CLN5: variants seen among roughly 807,000 people sequenced by gnomAD.
CLN5 encodes the protein CLN5 lysosomal BMP synthase.
Under a neutral mutation model 36.7 loss-of-function variants are expected in CLN5, and 34 were observed. That is an observed-to-expected ratio of 0.93 (90% CI 0.71 to 1.23). The LOEUF is 1.23. Among genes scored for constraint, CLN5 ranks in the 50% most tolerant of loss-of-function variants. The pLI, the probability that CLN5 is intolerant of heterozygous loss-of-function variation, is 0.00. For synonymous variants in CLN5, 151 were observed against 155.1 expected, an observed-to-expected ratio of 0.97 and a Z score of 0.20; for missense variants, 427 against 439.4, an observed-to-expected ratio of 0.97 and a Z score of 0.25.
chr13:76,996,076 G>A lies in CLN5; in HGVS notation c.514G>A (p.Asp172Asn). The change falls in exon 3 of 4, where the codon GAT (aspartate) becomes AAT (asparagine). Residue 172 changes from aspartate (D) to asparagine (N), a missense_variant. Physicochemically the swap from Asp to Asn is conservative, Grantham distance 23 (BLOSUM62 1). Transcript: ENST00000377453. ...TGCCTGCTTTTTTGAGGGAATTGAT[G>A]ATGTTCACTGGAAGGAAAATGGGAC... ...GAACFFEGID[D>N]VHWKENGTLV... The A allele has an allele frequency of 6.2e-7, 1 of 1,614,128 alleles. No homozygotes were observed. Among genetic ancestry groups the A allele is most frequent in the Non-Finnish European group, 8.5e-7 (1 of 1,180,026 alleles).
Position 76,995,991 on chromosome 13 carries a change from CTG to C in CLN5, c.431_432del (p.Cys144TyrfsTer8). ...EWYELFQLGN[C>X]TFPHLRPEMD... is the part of the protein sequence containing the mutation. Reference sequence around the variant, plus strand: ...GGTATGAACTTTTCCAACTTGGCAACTGTACATTTCCCCATCTCCGACCTGAA... The same window carrying C: ...GGTATGAACTTTTCCAACTTGGCAACTACATTTCCCCATCTCCGACCTGAA... On this transcript the variant is annotated frameshift_variant, in exon 3 of 4. Coordinates refer to ENST00000377453, the MANE Select transcript of CLN5 (RefSeq NM_006493.4). LOFTEE classifies it high-confidence loss of function. The C allele has an allele frequency of 1.9e-6, 3 of 1,614,220 alleles. No homozygotes were observed. Among genetic ancestry groups the C allele is most frequent in the Non-Finnish European group, 2.5e-6 (3 of 1,180,034 alleles).
Position 77,000,383 on chromosome 13 carries a change from T to TA in CLN5, c.566-55dup, listed in dbSNP as rs58476086. On this transcript the variant is annotated intron_variant, in intron 3 of 3. Transcript: ENST00000377453. Reference sequence around the variant, plus strand: ...CTCGGCAACAGAGGGAGACCTGTCTTAAAAAAAAAAAAAAAAAAAATTAAC... The same window carrying TA: ...CTCGGCAACAGAGGGAGACCTGTCTTAAAAAAAAAAAAAAAAAAAAATTAAC... 0.075 allele frequency: 87,743 copies of TA among 1,169,054 alleles called. 306 individuals carry two copies. Among genetic ancestry groups the TA allele is most frequent in the African/African-American group, 0.13 (7,665 of 57,162 alleles). The allele number at this position is 1,169,054 out of a possible 1,614,324, so 72.4% of individuals were successfully genotyped here.
rs143759121 is a variant in CLN5, at chr13:76,995,185, C to T, written c.296C>T (p.Ala99Val). The T allele has an allele frequency of 9.3e-6, 15 of 1,614,062 alleles. No homozygotes were observed. In the African/African-American group the frequency reaches 2.0e-4, roughly 22 times the overall value. The part of the protein sequence containing the change: ...DDDIEVFRLQ[A>V]PVWEFKYGDL... Reference sequence around the variant, plus strand: ...GACATTGAAGTTTTTCGATTACAAGCCCCAGTATGGGAATTTAAATATGGA... The same window carrying T: ...GACATTGAAGTTTTTCGATTACAAGTCCCAGTATGGGAATTTAAATATGGA... Residue 99 changes from alanine (A) to valine (V), a missense_variant, in exon 2 of 4, where the codon GCC (alanine) becomes GTC (valine). Ala to Val is a moderately conservative substitution (Grantham distance 64). Coordinates refer to ENST00000377453, the MANE Select transcript of CLN5 (RefSeq NM_006493.4).
chr13:76,994,701 T>C (rs2154034589), intron 1 of CLN5: 1 of 223,638 alleles, frequency 4.5e-6, no homozygotes, highest in Admixed American at 5.3e-5. Context: ...AATCTTAATG[T>C]ATGGACTGTT....
chr13:76,993,111 G>GA (rs1193313723), intron 1 of CLN5: 5 of 152,262 alleles, frequency 3.3e-5, no homozygotes, highest in South Asian at 2.1e-4. Flanking sequence ...CAACAAACCT[G>GA]AAAAAAACAG....
In CLN5 at chr13:77,001,127, C is replaced by G. The variant is rs111327761; in HGVS notation, c.*158C>G. ...TGCATATTAACATCTCAGGACTCTT[C>G]TCTTGTAAAGAAGCTGAAATTCGTA... On this transcript the variant is annotated 3_prime_UTR_variant, in exon 4 of 4. Coordinates refer to ENST00000377453, the MANE Select transcript of CLN5 (RefSeq NM_006493.4). 3,756 of 622,270 alleles carry G rather than the reference C, an allele frequency of 6.0e-3. 69 individuals carry two copies. Among genetic ancestry groups the G allele is most frequent in the African/African-American group, 0.05 (2,697 of 54,064 alleles). 38.5% of individuals were successfully genotyped at this position (622,270 alleles called of 1,614,324 possible). A position where few individuals can be genotyped will look rare whatever the true frequency, so the allele number is the denominator to read the frequency against.
At chr13:76,992,771 G>T in intron 1 of CLN5, 1 of 158,678 alleles carries the variant, frequency 6.3e-6, no homozygotes, top group Non-Finnish European at 1.4e-5. Context: ...CAAAAGTCGC[G>T]CATCCCGGGA....
intron 1 of CLN5, 106 bp from the exon 2 acceptor site, chr13:76,994,957 T>TC (rs888227457): frequency 2.1e-6 from 2 of 957,728 alleles, no homozygotes; most frequent in African/African-American, 3.3e-5. Context: ...TTAACTATGG[T>TC]CCGACCTTTG....
intron 2 of CLN5, 151 bp downstream of exon 2, chr13:76,995,379 TAC>T (rs2034248211): frequency 6.9e-6 from 5 of 722,342 alleles, no homozygotes; most frequent in Non-Finnish European, 1.2e-5. Flanking sequence ...CAAAAATAGT[TAC>T]TATCAGATTT....
rs2034357499 is a variant in CLN5 at position 77,001,205 on chromosome 13, C to CT, written c.*239dup. On this transcript the variant is annotated 3_prime_UTR_variant, in exon 4 of 4. Transcript: ENST00000377453. ...GTGATCTTGGTTTCAATTTCCGAGC[C>CT]TTTGTTAATATGGAGAATTATGGTT... The CT allele has an allele frequency of 2.5e-6, 1 of 407,192 alleles. No individual in the cohort carries two copies. Among genetic ancestry groups the CT allele is most frequent in the African/African-American group, 2.0e-5 (1 of 48,888 alleles). 25.2% of individuals were successfully genotyped at this position (407,192 alleles called of 1,614,324 possible).
At position 76,995,739 on chromosome 13, in the gene CLN5, GT is replaced by G. The variant is rs1190833393; in HGVS notation, c.340-160del. On this transcript the variant is annotated intron_variant, in intron 2 of 3. Transcript: ENST00000377453. ...AAGCTGGGGTGGATGAGGGCCTGGA[GT>G]TTGGGGCCACAGAGTGGATATGACA... 1.6e-5 allele frequency: 11 copies of G among 688,778 alleles called. No individual in the cohort carries two copies. In the East Asian group the frequency reaches 3.0e-4, roughly 19 times the overall value. 42.7% of individuals were successfully genotyped at this position (688,778 alleles called of 1,614,324 possible). A position where few individuals can be genotyped will look rare whatever the true frequency, so the allele number is the denominator to read the frequency against.
Position 77,000,461 on chromosome 13 carries a change from A to G in CLN5, c.569A>G (p.Asn190Ser), listed in dbSNP as rs369100769. The change falls in exon 4 of 4, where the codon AAC (asparagine) becomes AGC (serine). Residue 190 changes from asparagine to serine, a missense_variant. Coordinates refer to ENST00000377453, the MANE Select transcript of CLN5 (RefSeq NM_006493.4). ...TTGTTTTGTTTTTTTAAACTAGGAA[A>G]CATGTTCAACCAAATGGCAAAGTGG... ...TLVQVATISG[N>S]MFNQMAKWVK... is the part of the protein sequence containing the mutation. 135 of 1,612,638 alleles carry G rather than the reference A, an allele frequency of 8.4e-5. 1 individual carries two copies. Among genetic ancestry groups the G allele is most frequent in the Admixed American group, 1.7e-4 (10 of 59,854 alleles).
chr13:77,003,815 A>T lies in CLN5; in HGVS notation c.*2846A>T, dbSNP rs2034402028. On this transcript the variant is annotated 3_prime_UTR_variant, in exon 4 of 4. Transcript: ENST00000377453. ...TACAAAAATTAGCTGGTTGTGGTGG[A>T]GCATGCCTGTAGTCCCAGCTACTTG... 1 of 152,110 alleles carries T rather than the reference A, an allele frequency of 6.6e-6. No individual in the cohort carries two copies. The highest frequency in any genetic ancestry group is 2.4e-5 in the African/African-American group (1 of 41,378). 9.4% of individuals were successfully genotyped at this position (152,110 alleles called of 1,614,324 possible).
chr13:76,995,290 T>G, intron 2 of CLN5, 62 bp downstream of exon 2: 5 of 1,459,132 alleles, frequency 3.4e-6, no homozygotes, highest in Non-Finnish European at 4.8e-6. Flanking sequence ...TTAAGTTGAT[T>G]TTTAAGGAGT....
intron 1 of CLN5, chr13:76,994,107 T>A (rs1205892654): frequency 6.6e-6 from 1 of 152,190 alleles, no homozygotes; most frequent in Non-Finnish European, 1.5e-5. Flanking sequence ...AAGGTTTACT[T>A]TATAGCAAAT....
rs1373074821 is a variant in CLN5, at chr13:77,002,959, T to G, written c.*1990T>G. ...TGCAGGGAAAACAAATGAGGATATCTGTACCTGGAACTTTTAAACAAGATT... is the reference window on the plus strand; with the variant it reads ...TGCAGGGAAAACAAATGAGGATATCGGTACCTGGAACTTTTAAACAAGATT... On this transcript the variant is annotated 3_prime_UTR_variant, in exon 4 of 4. Transcript: ENST00000377453. The G allele has an allele frequency of 2.0e-5, 3 of 152,216 alleles. No individual in the cohort carries two copies. The highest frequency in any genetic ancestry group is 4.4e-5 in the Non-Finnish European group (3 of 68,034). 9.4% of individuals were successfully genotyped at this position (152,216 alleles called of 1,614,324 possible). A position where few individuals can be genotyped will look rare whatever the true frequency, so the allele number is the denominator to read the frequency against.
At chr13:77,000,342 A>T in intron 3 of CLN5, 116 bp from the exon 4 acceptor site, 1 of 924,694 alleles carries the variant, frequency 1.1e-6, no homozygotes, top group Non-Finnish European at 1.6e-6. Context: ...CTGTGATGTT[A>T]CCACCGCACT....
chr13:76,995,230 T>TA lies in CLN5; in HGVS notation c.339+4dup. 2 of 1,613,790 alleles carry TA rather than the reference T, an allele frequency of 1.2e-6. No individual in the cohort carries two copies. The highest frequency in any genetic ancestry group is 1.7e-6 in the Non-Finnish European group (2 of 1,179,700). The stretch of plus-strand genomic sequence containing the variant: ...TATGGAGACCTCCTGGGACACTTGG[T>TA]AAGGATGCATCTTGGTCTTATAACT... On this transcript the variant is annotated splice_region_variant and intron_variant, in intron 2 of 3. Coordinates refer to ENST00000377453, the MANE Select transcript of CLN5 (RefSeq NM_006493.4).
intron 3 of CLN5, 24 bp from the exon 4 acceptor site, chr13:77,000,434 C>T: frequency 6.3e-7 from 1 of 1,598,136 alleles, no homozygotes; most frequent in South Asian, 1.1e-5. Context: ...CACTAGGTGA[C>T]TTTGTTTTGT....
Sources: gnomAD v4.1 joint callset for allele counts on GRCh38, gnomAD v4.1.1 for gene constraint, MANE v1.5 for transcripts, NCBI Gene and HGNC (gene_info 2026-07-23, HGNC 2026-07-21) for gene names.